C7: variants seen among roughly 807,000 people sequenced by gnomAD.
C7 encodes the protein complement C7, also known as complement component C7.
C7 carries 83 observed loss-of-function variants against 104.8 expected under a neutral mutation model. The ratio of observed to expected loss-of-function variants is 0.79; its 90% CI spans 0.66 to 0.95. The LOEUF is 0.95. Ranked by LOEUF, C7 falls within the 40% of genes least tolerant of loss-of-function variation. C7 has a pLI of 0.00. For synonymous variants in C7, 415 were observed against 360.6 expected (o/e 1.15, Z -1.71); for missense variants, 1,070 against 1,011.2 (o/e 1.06, Z -0.79).
chr5:40,964,980 C>G (rs1160475804), intron 14 of C7, 107 bp downstream of exon 14: 7 of 1,250,018 alleles, frequency 5.6e-6, no homozygotes, highest in Non-Finnish European at 5.7e-6. Flanking sequence ...GCCTTCCTTT[C>G]CTGTAAGGCT....
rs550655547 is a variant in C7, at chr5:40,950,770, G to C, written c.1093+756G>C. ...AAGCCTAGACAAGTGACAATATCAA[G>C]AGACAGTTCAGTTTCACTTGCTGAC... On this transcript the variant is annotated intron_variant, in intron 9 of 17. Coordinates refer to ENST00000313164, the MANE Select transcript of C7 (RefSeq NM_000587.4). Among the ~76,000 whole-genome samples, 18 of 152,240 alleles carry C rather than the reference G, an allele frequency of 1.2e-4. No individual in the cohort carries two copies. In the South Asian group the frequency reaches 3.1e-3, roughly 26 times the overall value.
In C7 at chr5:40,958,112, A is replaced by G; in HGVS notation, c.1340A>G (p.Glu447Gly). The G allele has an allele frequency of 6.2e-7, 1 of 1,613,762 alleles. No individual in the cohort carries two copies. Among genetic ancestry groups the G allele is most frequent in the Non-Finnish European group, 8.5e-7 (1 of 1,179,778 alleles). Residue 447 changes from glutamate to glycine, a missense_variant, in exon 11 of 18, where the codon GAG becomes GGG. By Grantham distance (98) the Glu-to-Gly change is moderately conservative. Transcript: ENST00000313164. ...CTATACCTGAAATGGGCTCTTGAAG[A>G]GTATCTGGATGAATTTGACCCCTGT... is the stretch of plus-strand genomic sequence containing the variant. Reference protein sequence around the residue: ...KKLYLKWALEEYLDEFDPCHC... With the variant: ...KKLYLKWALEGYLDEFDPCHC...
In C7 at chr5:40,969,382, T is replaced by G. The variant is rs548772853; in HGVS notation, c.1883-3021T>G. Among the ~76,000 whole-genome samples the G allele has an allele frequency of 3.9e-5, 6 of 152,256 alleles. No homozygotes were observed. The East Asian group carries it at 7.7e-4, about 20-fold the overall frequency. On this transcript the variant is annotated intron_variant, in intron 14 of 17. Coordinates refer to ENST00000313164, the MANE Select transcript of C7 (RefSeq NM_000587.4). ...GTTAATTTCATTCTTTAGGTAAGTC[T>G]GTTACTGTAAGTCTGTTTCTATTGT...
rs370963436 is a variant in C7, at chr5:40,933,845, A to G, written c.139-480A>G. Among the ~76,000 whole-genome samples the G allele has an allele frequency of 7.2e-5, 11 of 152,254 alleles. 1 individual carries two copies. The highest frequency in any genetic ancestry group is 2.4e-4 in the African/African-American group (10 of 41,558). On this transcript the variant is annotated intron_variant, in intron 3 of 17. Coordinates refer to ENST00000313164, the MANE Select transcript of C7 (RefSeq NM_000587.4). ...TTTCTCTAATGAGCTCTTGGAACAC[A>G]GATTTGGTAAATATATTAATCATTC... is the stretch of plus-strand genomic sequence containing the variant.
At chr5:40,957,416 C>T (rs1228767423) in intron 10 of C7, among the ~76,000 whole-genome samples, 1 of 152,064 alleles carries the variant, frequency 6.6e-6, no homozygotes, top group Non-Finnish European at 1.5e-5. Context: ...ATTTCACTTG[C>T]TTCTTTGCTG....
chr5:40,972,568 T>C lies in C7; in HGVS notation c.2048T>C (p.Met683Thr), dbSNP rs1402491201. The change falls in exon 15 of 18, where the codon ATG becomes ACG. Residue 683 changes from methionine (M) to threonine (T), a missense_variant. Coordinates refer to ENST00000313164, the MANE Select transcript of C7 (RefSeq NM_000587.4). ...TCCAGCCTTAAGTGGAGTCCTGAGA[T>C]GAAGAATGCCCGCTGTGTACAAAAA... ...CGSSLKWSPEMKNARCVQKEN... is the reference protein window; with the variant it reads ...CGSSLKWSPETKNARCVQKEN... The C allele has an allele frequency of 1.2e-6, 2 of 1,609,254 alleles. No homozygotes were observed. The highest frequency in any genetic ancestry group is 1.7e-6 in the Non-Finnish European group (2 of 1,177,816).
chr5:40,979,663 T>A, intron 16 of C7, 62 bp from the exon 17 acceptor site: 1 of 1,418,952 alleles, frequency 7.0e-7, no homozygotes. Flanking sequence ...ACTTTTCATT[T>A]CTCCTTCTCA....
chr5:40,917,480 C>G (rs1579836021), intron 1 of C7, among the ~76,000 whole-genome samples: 1 of 152,222 alleles, frequency 6.6e-6, no homozygotes. Flanking sequence ...AGGCCAAGTA[C>G]TATTTCATTG....
At chr5:40,938,554 C>T (rs116560799) in intron 6 of C7, among the ~76,000 whole-genome samples, 1 of 152,290 alleles carries the variant, frequency 6.6e-6, no homozygotes, top group African/African-American at 2.4e-5. Flanking sequence ...AAATTGCTAC[C>T]TCATAGGATA....
intron 9 of C7, chr5:40,954,889 A>AG: frequency 7.0e-6 from 2 of 284,588 alleles, no homozygotes; most frequent in Non-Finnish European, 1.3e-5. Context: ...AAAAAAAAAA[A>AG]AAAAAAAAAA....
intron 14 of C7, among the ~76,000 whole-genome samples, chr5:40,970,713 A>G (rs1740680290): frequency 6.6e-6 from 1 of 152,038 alleles, no homozygotes; most frequent in Admixed American, 6.6e-5. Flanking sequence ...CTAGGTTTTA[A>G]GCCTCGCATG....
rs111879974 is a variant in C7, at chr5:40,931,845, G to T, written c.138+706G>T. 7.5e-3 allele frequency among the ~76,000 whole-genome samples: 1,138 copies of T among 152,234 alleles called. 18 individuals carry two copies. Among genetic ancestry groups the T allele is most frequent in the African/African-American group, 0.026 (1,093 of 41,528 alleles). ...ACGATCTTGGCTCACTGTAATCTCC[G>T]CCTCCCGGGTTCAAGTGATTCTCCT... is the stretch of plus-strand genomic sequence containing the variant. On this transcript the variant is annotated intron_variant, in intron 3 of 17. Coordinates refer to ENST00000313164, the MANE Select transcript of C7 (RefSeq NM_000587.4).
Position 40,929,797 on chromosome 5 carries a change from C to T in C7, c.62+1162C>T, listed in dbSNP as rs762346713. On this transcript the variant is annotated intron_variant, in intron 2 of 17. Transcript: ENST00000313164. ...GTGGAGCTGTTTAAGCTCAGATTGT[C>T]CTCCTTGGTTGTGTGCTTGAAAAAT... Among the ~76,000 whole-genome samples the T allele has an allele frequency of 3.4e-4, 51 of 152,142 alleles. 1 individual carries two copies. Among genetic ancestry groups the T allele is most frequent in the Admixed American group, 1.2e-3 (19 of 15,272 alleles).
chr5:40,916,083 TCAGTTAAAGTAGGAAAATACATA>T (rs1447283470), intron 1 of C7, among the ~76,000 whole-genome samples: 1 of 148,628 alleles, frequency 6.7e-6, no homozygotes, highest in African/African-American at 2.6e-5. Context: ...CCTTCAGCTA[TCAGTTAAAGTAGGAAAATACATA>T]CAGTTAAAGT....
rs776854001 is a variant in C7, at chr5:40,934,328, C to A, written c.142C>A (p.Arg48Ser). Residue 48 changes from arginine to serine, a missense_variant, in exon 4 of 18, where the codon CGC becomes AGC. Transcript: ENST00000313164. ...ECNGCTKTQT[R>S]RRSVAVYGQY... is the part of the protein sequence containing the mutation. The stretch of plus-strand genomic sequence containing the variant: ...CCACTGCCTGCTTTGTGTTTAGACT[C>A]GCAGGCGGTCAGTTGCTGTGTATGG... 6.3e-7 allele frequency: 1 copy of A among 1,591,584 alleles called. No homozygotes were observed.
At chr5:40,924,636 C>A (rs1364014485) in intron 1 of C7, among the ~76,000 whole-genome samples, 6 of 144,598 alleles carry the variant, frequency 4.1e-5, no homozygotes, top group African/African-American at 1.6e-4. Flanking sequence ...GCCTGGGCAA[C>A]CAGGCTTTCT....
chr5:40,957,777 T>TG (rs1336017114), intron 10 of C7, among the ~76,000 whole-genome samples: 8 of 151,772 alleles, frequency 5.3e-5, no homozygotes, highest in Admixed American at 2.6e-4. Flanking sequence ...TGTTTTTTTT[T>TG]TTTTTAAATC....
intron 14 of C7, chr5:40,972,175 G>T: frequency 1.7e-6 from 1 of 572,220 alleles, no homozygotes; most frequent in South Asian, 1.9e-5. Flanking sequence ...TTTGAGGGGA[G>T]GGGTGGGAGA....
In C7 at chr5:40,947,817, T is replaced by A. The variant is rs1000192666; in HGVS notation, c.954T>A (p.Tyr318Ter). 1.2e-6 allele frequency: 2 copies of A among 1,612,444 alleles called. No homozygotes were observed. The highest frequency in any genetic ancestry group is 1.7e-5 in the Admixed American group (1 of 59,672). ...GAGGAGAATACAGAGTTCTATTTTA[T>A]GTGGACTCAGAAAAATTAAAACAAA... is the stretch of plus-strand genomic sequence containing the variant. The part of the protein sequence containing the change: ...SLGGEYRVLF[Y>*]VDSEKLKQND... The change falls in exon 8 of 18, where the codon TAT becomes TAA. Residue 318 changes from tyrosine to a stop codon, truncating the protein, a stop_gained. Transcript: ENST00000313164. LOFTEE classifies it high-confidence loss of function.
Sources: allele counts gnomAD v4.1 joint callset (sites outside exome capture counted in the v4.1 genomes callset), GRCh38; gene constraint gnomAD v4.1.1; transcripts MANE v1.5; gene names NCBI Gene and HGNC (gene_info 2026-07-23, HGNC 2026-07-21).